TTC27: variants seen among roughly 807,000 people sequenced by gnomAD.
TTC27 encodes tetratricopeptide repeat domain 27, also known as tetratricopeptide repeat protein 27.
Under a neutral mutation model 115.9 loss-of-function variants are expected in TTC27, and 79 were observed. That is an observed-to-expected ratio of 0.68 (90% CI 0.57 to 0.82). The LOEUF (loss-of-function observed/expected upper bound fraction) is 0.82. Among genes scored for constraint, TTC27 ranks in the 40% least tolerant of loss-of-function variants. The pLI, the probability that TTC27 is intolerant of heterozygous loss-of-function variation, is 0.00. For synonymous variants in TTC27, 401 were observed against 356.0 expected (o/e 1.13, Z -1.42); for missense variants, 1,054 against 993.1 (o/e 1.06, Z -0.82).
At chr2:32,760,386 G>A (rs1054553538) in intron 13 of TTC27, among the ~76,000 whole-genome samples, 16 of 152,228 alleles carry the variant, frequency 1.1e-4, no homozygotes, top group African/African-American at 3.1e-4. Flanking sequence ...GGCAACTCAC[G>A]TAGTCATTTT....
chr2:32,681,405 C>T (rs773667418), intron 9 of TTC27, among the ~76,000 whole-genome samples: 3 of 151,958 alleles, frequency 2.0e-5, no homozygotes, highest in Admixed American at 6.6e-5. Flanking sequence ...TGCATGATAC[C>T]GAAGTGGATA....
chr2:32,780,628 T>C (rs934717858), intron 14 of TTC27, among the ~76,000 whole-genome samples: 1 of 151,956 alleles, frequency 6.6e-6, no homozygotes, highest in African/African-American at 2.4e-5. Context: ...TTAGTAGAGA[T>C]GAGGTTTCTC....
chr2:32,805,950 A>G (rs1430556910), intron 16 of TTC27, among the ~76,000 whole-genome samples: 2 of 152,096 alleles, frequency 1.3e-5, no homozygotes, highest in African/African-American at 4.8e-5. Context: ...TTCTAGATCT[A>G]GCTGATCTTG....
At chr2:32,705,002 T>A (rs1228216678) in intron 10 of TTC27, 2 of 457,302 alleles carry the variant, frequency 4.4e-6, no homozygotes, top group East Asian at 1.4e-4. Flanking sequence ...GGAAGTGATA[T>A]GGTTTGAGTA....
Position 32,812,540 on chromosome 2 carries a change from A to G in TTC27, c.2233A>G (p.Thr745Ala). ...CCTCTCAAAGGCATACAAGTGTGAC[A>G]CCCAGTCCAATTGTTGGGAGAAAGA... Reference protein sequence around the residue: ...QCLSKAYKCDTQSNCWEKDIT... With the variant: ...QCLSKAYKCDAQSNCWEKDIT... The change falls in exon 18 of 20, where the codon ACC becomes GCC. Residue 745 changes from threonine to alanine, a missense_variant. By Grantham distance (58) the Thr-to-Ala change is moderately conservative (BLOSUM62 0). Coordinates refer to ENST00000317907, the MANE Select transcript of TTC27 (RefSeq NM_017735.5). 6.2e-7 allele frequency: 1 copy of G among 1,614,084 alleles called. No homozygotes were observed. The highest frequency in any genetic ancestry group is 8.5e-7 in the Non-Finnish European group (1 of 1,179,950).
At chr2:32,639,618 T>G (rs1169830558) in intron 3 of TTC27, among the ~76,000 whole-genome samples, 2 of 152,256 alleles carry the variant, frequency 1.3e-5, no homozygotes, top group East Asian at 3.8e-4. Context: ...ATAGGGATGC[T>G]TTTCATTGAG....
At chr2:32,645,112 G>C (rs948590983) in intron 4 of TTC27, among the ~76,000 whole-genome samples, 2 of 151,992 alleles carry the variant, frequency 1.3e-5, no homozygotes, top group Non-Finnish European at 2.9e-5. Context: ...ATTAATTTTT[G>C]AGTAACCTGA....
chr2:32,653,376 C>T (rs1383622479), intron 5 of TTC27, among the ~76,000 whole-genome samples: 1 of 152,012 alleles, frequency 6.6e-6, no homozygotes, highest in Non-Finnish European at 1.5e-5. Flanking sequence ...AGTGGATCAC[C>T]TGAGGTCAAG....
chr2:32,756,628 G>T lies in TTC27; in HGVS notation c.1453-1664G>T, dbSNP rs117721961. ...GTTCACAAAAATTAGACTGCTTAAG[G>T]AGTATAGATATGCCCAACCTAAAGA... On this transcript the variant is annotated intron_variant, in intron 12 of 19. Coordinates refer to ENST00000317907, the MANE Select transcript of TTC27 (RefSeq NM_017735.5). 8.3e-4 allele frequency among the ~76,000 whole-genome samples: 126 copies of T among 152,304 alleles called. 4 individuals are homozygous for T. The East Asian group carries it at 0.019, about 23-fold the overall frequency.
At chr2:32,694,877 C>T (rs1293429005) in intron 9 of TTC27, among the ~76,000 whole-genome samples, 1 of 151,522 alleles carries the variant, frequency 6.6e-6, no homozygotes, top group Non-Finnish European at 1.5e-5. Context: ...CAGGGTCTTG[C>T]TGTGTTGCTT....
chr2:32,633,312 G>A (rs748328981), intron 2 of TTC27, among the ~76,000 whole-genome samples: 11 of 152,140 alleles, frequency 7.2e-5, no homozygotes, highest in Non-Finnish European at 1.2e-4. Flanking sequence ...AATATGGAAA[G>A]TATGACTAAG....
At chr2:32,670,281 A>G (rs1163852220) in intron 7 of TTC27, among the ~76,000 whole-genome samples, 1 of 152,208 alleles carries the variant, frequency 6.6e-6, no homozygotes, top group African/African-American at 2.4e-5. Flanking sequence ...TATAAAATAT[A>G]CCGATTTTAA....
At chr2:32,747,800 G>A (rs78480562) in intron 12 of TTC27, among the ~76,000 whole-genome samples, 7,574 of 152,186 alleles carry the variant, frequency 0.05, 207 homozygotes, top group East Asian at 0.094. Context: ...TGTTTTCAGC[G>A]TAGGATACCT....
intron 2 of TTC27, among the ~76,000 whole-genome samples, chr2:32,633,434 A>G (rs1664289582): frequency 6.6e-6 from 1 of 151,962 alleles, no homozygotes; most frequent in Non-Finnish European, 1.5e-5. Flanking sequence ...TTTAAGAGAG[A>G]CAGGGTCTCG....
intron 13 of TTC27, among the ~76,000 whole-genome samples, chr2:32,767,522 C>T (rs1272790394): frequency 3.0e-5 from 4 of 131,964 alleles, no homozygotes; most frequent in Admixed American, 8.8e-5. Context: ...ACTGCAGTGG[C>T]GCAATCTCGG....
At chr2:32,667,663 G>A (rs939928459) in intron 7 of TTC27, among the ~76,000 whole-genome samples, 8 of 150,982 alleles carry the variant, frequency 5.3e-5, no homozygotes, top group Admixed American at 2.0e-4. Flanking sequence ...TGATCCACCC[G>A]TCTCGGCCTC....
At chr2:32,800,184 G>C (rs79340399) in intron 16 of TTC27, among the ~76,000 whole-genome samples, 3,878 of 152,240 alleles carry the variant, frequency 0.025, 80 homozygotes, top group African/African-American at 0.059. Flanking sequence ...TACAAGTGCT[G>C]TTTTTTGTTT....
chr2:32,815,017 A>G (rs907804973), intron 18 of TTC27, among the ~76,000 whole-genome samples: 3 of 152,124 alleles, frequency 2.0e-5, no homozygotes, highest in African/African-American at 7.2e-5. Flanking sequence ...CGACCTTGAC[A>G]TAGTATTTGA....
chr2:32,817,494 A>G lies in TTC27; in HGVS notation c.2346A>G (p.Gln782=). The part of the protein sequence containing the change: ...IKCSKNKSSS[Q]EAVQMLSSVR... ...GCAGTAAAAACAAATCCAGTTCCCA[A>G]GAAGCTGTACAAATGCTTTCTTCTG... The change falls in exon 19 of 20, where the codon CAA becomes CAG. Residue 782 remains glutamine, a synonymous_variant. Transcript: ENST00000317907. 2 of 1,614,112 alleles carry G rather than the reference A, an allele frequency of 1.2e-6. No homozygotes were observed. Among genetic ancestry groups the G allele is most frequent in the Non-Finnish European group, 1.7e-6 (2 of 1,179,996 alleles).
Sources: gnomAD v4.1 joint callset for allele counts (sites outside exome capture counted in the v4.1 genomes callset) on GRCh38, gnomAD v4.1.1 for gene constraint, MANE v1.5 for transcripts, NCBI Gene and HGNC (gene_info 2026-07-23, HGNC 2026-07-21) for gene names.